RPN2: variants seen among roughly 807,000 people sequenced by gnomAD.
RPN2 encodes ribophorin II.
Under a neutral mutation model 71.4 loss-of-function variants are expected in RPN2, and 29 were observed. That is an observed-to-expected ratio of 0.41 (90% CI 0.30 to 0.55). The LOEUF is 0.55. Ranked by LOEUF, RPN2 falls within the 20% of genes least tolerant of loss-of-function variation. The probability of loss-of-function intolerance (pLI) is 0.35; values close to 1 mark genes in which losing one functional copy is unlikely to be tolerated. For missense variants in RPN2, 726 were observed against 774.1 expected, an observed-to-expected ratio of 0.94 and a Z score of 0.74; for synonymous variants, 308 against 305.0, an observed-to-expected ratio of 1.01 and a Z score of -0.10.
chr20:37,203,806 A>C, intron 4 of RPN2, 79 bp from the exon 5 acceptor site: 3 of 981,324 alleles, frequency 3.1e-6, no homozygotes, highest in African/African-American at 3.2e-5. Flanking sequence ...GATATTTGTG[A>C]AAGTGTCCAA....
intron 2 of RPN2, among the ~76,000 whole-genome samples, chr20:37,197,603 T>TTTTTTA (rs1233643455): frequency 6.6e-6 from 1 of 152,172 alleles, no homozygotes; most frequent in African/African-American, 2.4e-5. Flanking sequence ...GCTCATTTTC[T>TTTTTTA]TTTTTATTTT....
chr20:37,235,548 T>C (rs944590349), intron 15 of RPN2, among the ~76,000 whole-genome samples: 5 of 152,234 alleles, frequency 3.3e-5, no homozygotes, highest in African/African-American at 1.2e-4. Context: ...TGAGTCCTCC[T>C]TGCTCCCTTC....
In RPN2 at chr20:37,208,267, T is replaced by TAA. The variant is rs33943502; in HGVS notation, c.867+836_867+837dup. 4.2e-3 allele frequency among the ~76,000 whole-genome samples: 597 copies of TAA among 141,540 alleles called. 7 individuals are homozygous for TAA. Among genetic ancestry groups the TAA allele is most frequent in the East Asian group, 0.027 (123 of 4,576 alleles). The allele number at this position is 141,540 out of a possible 152,430, so 92.9% of individuals were successfully genotyped here. A position where few individuals can be genotyped will look rare whatever the true frequency, so the allele number is the denominator to read the frequency against. On this transcript the variant is annotated intron_variant, in intron 7 of 16. Coordinates refer to ENST00000237530, the MANE Select transcript of RPN2 (RefSeq NM_002951.5). ...CCTGGTGACAGAGTGAGACCCTGTC[T>TAA]AAAAAAAAAAAAAAAAAAATACAGG... is the stretch of plus-strand genomic sequence containing the variant.
intron 1 of RPN2, among the ~76,000 whole-genome samples, chr20:37,181,740 C>A (rs1244094076): frequency 6.6e-6 from 1 of 152,094 alleles, no homozygotes; most frequent in Non-Finnish European, 1.5e-5. Context: ...TTCTTCTTAG[C>A]ATAGTTTCCC....
Position 37,224,054 on chromosome 20 carries a change from T to C in RPN2, c.1184+85T>C, listed in dbSNP as rs2068021103. ...GCCTAGGCACTGAGCCCTGCAGGCA[T>C]CAGTTCTGTGTCAGCAGCCATCCAG... On this transcript the variant is annotated intron_variant, in intron 10 of 16. Transcript: ENST00000237530. The C allele has an allele frequency of 2.8e-6, 3 of 1,084,716 alleles. No individual in the cohort carries two copies. In the East Asian group the frequency reaches 7.2e-5, roughly 26 times the overall value. The allele number at this position is 1,084,716 out of a possible 1,614,324, so 67.2% of individuals were successfully genotyped here. A position where few individuals can be genotyped will look rare whatever the true frequency, so the allele number is the denominator to read the frequency against.
At position 37,204,801 on chromosome 20, in the gene RPN2, T is replaced by G. The variant is rs1287392072; in HGVS notation, c.590T>G (p.Val197Gly). 1 of 1,614,022 alleles carries G rather than the reference T, an allele frequency of 6.2e-7. No individual in the cohort carries two copies. Among genetic ancestry groups the G allele is most frequent in the East Asian group, 2.2e-5 (1 of 44,882 alleles). Residue 197 changes from valine (V) to glycine (G), a missense_variant, in exon 6 of 17, where the codon GTG (valine) becomes GGG (glycine). By Grantham distance (109) the Val-to-Gly change is moderately radical. Transcript: ENST00000237530. Reference sequence around the variant, plus strand: ...GCTCGCCTGGATGAACTCGGGGGCGTGTATCTCCAGTTTGAAGAAGGACTG... The same window carrying G: ...GCTCGCCTGGATGAACTCGGGGGCGGGTATCTCCAGTTTGAAGAAGGACTG... Reference protein sequence around the residue: ...LVARLDELGGVYLQFEEGLET... With the variant: ...LVARLDELGGGYLQFEEGLET...
At chr20:37,219,144 G>T (rs1416664706) in intron 9 of RPN2, among the ~76,000 whole-genome samples, 1 of 152,182 alleles carries the variant, frequency 6.6e-6, no homozygotes, top group East Asian at 1.9e-4. Flanking sequence ...CCAGCAATGT[G>T]TGAGGGTTCC....
intron 5 of RPN2, among the ~76,000 whole-genome samples, 199 bp downstream of exon 5, chr20:37,204,159 G>T (rs576085677): frequency 1.3e-4 from 20 of 152,312 alleles, no homozygotes; most frequent in Admixed American, 5.2e-4. Context: ...TCAGGACGTG[G>T]TGACTGTGGT....
At chr20:37,189,323 ATGTGTGTG>A (rs11474653) in intron 2 of RPN2, among the ~76,000 whole-genome samples, 2,255 of 64,590 alleles carry the variant, frequency 0.035, 37 homozygotes, top group African/African-American at 0.061. Context: ...GTGTGTGTGT[ATGTGTGTG>A]TGTGTGTGTG....
chr20:37,183,237 C>T (rs1431227252), intron 1 of RPN2, among the ~76,000 whole-genome samples: 9 of 148,712 alleles, frequency 6.1e-5, no homozygotes, highest in East Asian at 1.9e-4. Flanking sequence ...TTTTTTGAGA[C>T]GGAGTTTTGC....
rs748257120 is a variant in RPN2 at position 37,238,369 on chromosome 20, T to G, written c.1883+1660T>G. On this transcript the variant is annotated intron_variant, in intron 16 of 16. Coordinates refer to ENST00000237530, the MANE Select transcript of RPN2 (RefSeq NM_002951.5). ...AGCTGATTTCTCCCCTCACTGTCCT[T>G]TCTTGATTCTCAAACCCTCTTTCCT... 4 of 1,580,914 alleles carry G rather than the reference T, an allele frequency of 2.5e-6. No homozygotes were observed. In the East Asian group the frequency reaches 9.0e-5, roughly 36 times the overall value.
Position 37,241,409 on chromosome 20 carries a change from CT to C in RPN2, c.*97del. Reference sequence around the variant, plus strand: ...TGAGAAGAAAAATGGAAAAAAAAAACTTTATTTAAAAAAGAAAAAAGTCCAG... The same window carrying C: ...TGAGAAGAAAAATGGAAAAAAAAAACTTATTTAAAAAAGAAAAAAGTCCAG... On this transcript the variant is annotated 3_prime_UTR_variant, in exon 17 of 17. Transcript: ENST00000237530. The C allele has an allele frequency of 4.9e-6, 7 of 1,418,646 alleles. No homozygotes were observed. The highest frequency in any genetic ancestry group is 6.8e-6 in the Non-Finnish European group (7 of 1,034,952). 87.9% of individuals were successfully genotyped at this position (1,418,646 alleles called of 1,614,324 possible).
intron 16 of RPN2, 65 bp from the exon 17 acceptor site, chr20:37,241,238 G>C: frequency 6.3e-7 from 1 of 1,593,370 alleles, no homozygotes; most frequent in Non-Finnish European, 8.6e-7. Flanking sequence ...GTTGTCACCA[G>C]TTAGGAACTG....
chr20:37,230,154 GT>G, intron 13 of RPN2, 95 bp downstream of exon 13: 2 of 980,142 alleles, frequency 2.0e-6, no homozygotes, highest in Non-Finnish European at 3.3e-6. Context: ...GTTTTGTGAT[GT>G]TTTATAGTTT....
rs572727097 is a variant in RPN2 at position 37,204,071 on chromosome 20, T to C, written c.555+111T>C. On this transcript the variant is annotated intron_variant, in intron 5 of 16. Coordinates refer to ENST00000237530, the MANE Select transcript of RPN2 (RefSeq NM_002951.5). ...TTACTACAGGTTACATTGCTTCTTATATCCATGGCACACTTGTGTTCTTTG... is the reference window on the plus strand; with the variant it reads ...TTACTACAGGTTACATTGCTTCTTACATCCATGGCACACTTGTGTTCTTTG... 36 of 767,940 alleles carry C rather than the reference T, an allele frequency of 4.7e-5. No homozygotes were observed. The East Asian group carries it at 7.6e-4, about 16-fold the overall frequency. The allele number at this position is 767,940 out of a possible 1,614,324, so 47.6% of individuals were successfully genotyped here.
At chr20:37,183,399 G>C (rs1023313987) in intron 1 of RPN2, among the ~76,000 whole-genome samples, 1 of 152,098 alleles carries the variant, frequency 6.6e-6, no homozygotes, top group Non-Finnish European at 1.5e-5. Flanking sequence ...TGTATTTTTA[G>C]TAGAGGCGGG....
At chr20:37,195,060 T>C (rs2067224723) in intron 2 of RPN2, among the ~76,000 whole-genome samples, 1 of 151,796 alleles carries the variant, frequency 6.6e-6, no homozygotes. Context: ...TTAATTGGGG[T>C]ATTAGCACAG....
intron 11 of RPN2, 80 bp downstream of exon 11, chr20:37,225,882 A>G: frequency 1.0e-6 from 1 of 976,602 alleles, no homozygotes; most frequent in Non-Finnish European, 1.6e-6. Flanking sequence ...TATAACATGG[A>G]CTAGAGAGAA....
At chr20:37,187,984 A>C (rs1359624536) in intron 2 of RPN2, among the ~76,000 whole-genome samples, 2 of 151,536 alleles carry the variant, frequency 1.3e-5, no homozygotes, top group Admixed American at 6.6e-5. Context: ...TCTTCTATTG[A>C]CTGTTCAGAT....
Sources: gnomAD v4.1 joint callset for allele counts (sites outside exome capture counted in the v4.1 genomes callset) on GRCh38, gnomAD v4.1.1 for gene constraint, MANE v1.5 for transcripts, NCBI Gene and HGNC (gene_info 2026-07-23, HGNC 2026-07-21) for gene names.